The following PREX1 variants were observed in gnomAD, a reference collection of about 807,000 sequenced individuals.
PREX1 encodes the protein phosphatidylinositol-3,4,5-trisphosphate dependent Rac exchange factor 1, also known as phosphatidylinositol 3,4,5-trisphosphate-dependent Rac exchanger 1 protein.
PREX1 carries 41 observed loss-of-function variants against 198.3 expected under a neutral mutation model. The ratio of observed to expected loss-of-function variants is 0.21; its 90% confidence interval spans 0.16 to 0.27. The LOEUF is 0.27. PREX1 is among the 10% of genes least tolerant of loss of function. The pLI, the probability that PREX1 is intolerant of heterozygous loss-of-function variation, is 1.00. For missense variants in PREX1, 1,620 were observed against 2,200.7 expected, an observed-to-expected ratio of 0.74 and a Z score of 5.28; for synonymous variants, 843 against 887.2, an observed-to-expected ratio of 0.95 and a Z score of 0.89.
rs143830265 is a variant in PREX1 at position 48,639,834 on chromosome 20, T to C, written c.3836A>G (p.Gln1279Arg). 3.6e-3 allele frequency: 5,749 copies of C among 1,614,124 alleles called. 19 individuals are homozygous for C. Among genetic ancestry groups the C allele is most frequent in the Non-Finnish European group, 4.3e-3 (5,069 of 1,179,958 alleles). The change falls in exon 30 of 40, where the codon CAG (glutamine) becomes CGG (arginine). Residue 1279 changes from glutamine (Q) to arginine (R), a missense_variant. Gln to Arg is a conservative substitution (Grantham distance 43). This residue lies in a region of PREX1 where 476 missense variants were observed against 603.4 expected (regional missense o/e 0.79). Transcript: ENST00000371941. ...RGRSLIQISI[Q>R]EDPWNLPNSI... Reference sequence around the variant, plus strand: ...GTTGGGGAGGTTCCAGGGGTCCTCCTGGATGCTAATCTGGATCAGGCTCCG... The same window carrying C: ...GTTGGGGAGGTTCCAGGGGTCCTCCCGGATGCTAATCTGGATCAGGCTCCG...
intron 33 of PREX1, 29 bp from the exon 34 acceptor site, chr20:48,632,668 C>T: frequency 6.2e-7 from 1 of 1,611,924 alleles, no homozygotes; most frequent in Non-Finnish European, 8.5e-7. Context: ...CAGGATGACT[C>T]ACCACCGAGG....
intron 29 of PREX1, among the ~76,000 whole-genome samples, chr20:48,640,304 G>A (rs1601034820): frequency 6.6e-6 from 1 of 152,170 alleles, no homozygotes; most frequent in East Asian, 1.9e-4. Flanking sequence ...CTACACAGAG[G>A]AGGAAGCCCA....
At chr20:48,776,069 C>T (rs1402783680) in intron 1 of PREX1, among the ~76,000 whole-genome samples, 1 of 152,058 alleles carries the variant, frequency 6.6e-6, no homozygotes, top group Non-Finnish European at 1.5e-5. Context: ...CACATCCTCA[C>T]CAATGGAGGT....
chr20:48,853,087 A>G, the PREX1 span, among the ~76,000 whole-genome samples: 310 of 152,316 alleles, frequency 2.0e-3, 1 homozygote, highest in Middle Eastern at 0.01. Context: ...GGAGGGTGAC[A>G]TTTTACTGTA....
In PREX1 at chr20:48,637,784, G is replaced by A. The variant is rs1055293929; in HGVS notation, c.3905-32C>T. The A allele has an allele frequency of 2.9e-5, 46 of 1,589,300 alleles. No individual in the cohort carries two copies. The Admixed American group carries it at 3.2e-4, about 11-fold the overall frequency. On this transcript the variant is annotated intron_variant, in intron 30 of 39. Coordinates refer to ENST00000371941, the MANE Select transcript of PREX1 (RefSeq NM_020820.4). ...GGAGAAGGGAGACAGAAAGGGGGAC[G>A]GGCTGGGAGGGGGCAGCAAGAGGTG...
At chr20:48,848,342 C>A in the PREX1 span, among the ~76,000 whole-genome samples, 1 of 151,674 alleles carries the variant, frequency 6.6e-6, no homozygotes, top group Non-Finnish European at 1.5e-5. Flanking sequence ...GCACCCTCAA[C>A]CTTTCAGGCT....
chr20:48,801,299 C>T (rs2090385655), intron 1 of PREX1, among the ~76,000 whole-genome samples: 1 of 152,198 alleles, frequency 6.6e-6, no homozygotes, highest in Non-Finnish European at 1.5e-5. Flanking sequence ...CCTCATGCAT[C>T]GGTGACACTG....
chr20:48,762,882 T>C (rs1329610713), intron 1 of PREX1, among the ~76,000 whole-genome samples: 1 of 152,172 alleles, frequency 6.6e-6, no homozygotes, highest in Admixed American at 6.5e-5. Flanking sequence ...TTTGTATTTT[T>C]AGTAGAGACA....
intron 35 of PREX1, among the ~76,000 whole-genome samples, chr20:48,631,171 C>T (rs1288925984): frequency 1.3e-5 from 2 of 152,212 alleles, no homozygotes; most frequent in South Asian, 2.1e-4. Context: ...CAGGGGTCAG[C>T]GAACTTCTTC....
chr20:48,883,862 C>A, the PREX1 span, among the ~76,000 whole-genome samples: 2 of 151,734 alleles, frequency 1.3e-5, no homozygotes, highest in Non-Finnish European at 2.9e-5. Context: ...CAGCTGGGGC[C>A]GGGCGCAGTG....
intron 1 of PREX1, among the ~76,000 whole-genome samples, chr20:48,796,672 T>C (rs976142482): frequency 1.3e-5 from 2 of 150,952 alleles, no homozygotes; most frequent in Non-Finnish European, 3.0e-5. Context: ...GTTATATGTG[T>C]CGTACATCAT....
intron 2 of PREX1, among the ~76,000 whole-genome samples, 156 bp from the exon 3 acceptor site, chr20:48,745,303 A>C (rs1191585905): frequency 1.3e-5 from 2 of 152,254 alleles, no homozygotes; most frequent in African/African-American, 4.8e-5. Flanking sequence ...AAATCTTTGT[A>C]ATAACAGAAA....
chr20:48,703,545 T>A (rs56118823), intron 6 of PREX1, among the ~76,000 whole-genome samples: 23,727 of 152,202 alleles, frequency 0.16, 2,185 homozygotes, highest in Middle Eastern at 0.28. Context: ...GGTTCAGCAG[T>A]CCCTGGAGCC....
At chr20:48,809,126 C>T (rs1218433797) in intron 1 of PREX1, among the ~76,000 whole-genome samples, 2 of 152,210 alleles carry the variant, frequency 1.3e-5, no homozygotes, top group African/African-American at 4.8e-5. Context: ...GTTCCTCACA[C>T]ATGTGGGCAC....
At chr20:48,887,275 T>C in the PREX1 span, among the ~76,000 whole-genome samples, 1 of 152,208 alleles carries the variant, frequency 6.6e-6, no homozygotes, top group African/African-American at 2.4e-5. Flanking sequence ...GAAAGCACTT[T>C]ATTTAAAATG....
intron 1 of PREX1, among the ~76,000 whole-genome samples, chr20:48,749,022 T>C (rs1008133338): frequency 6.6e-6 from 1 of 151,712 alleles, no homozygotes; most frequent in African/African-American, 2.4e-5. Context: ...CACCAGGTGG[T>C]GTGGGTAGAA....
chr20:48,823,667 T>C (rs1388463558), intron 1 of PREX1, among the ~76,000 whole-genome samples: 5 of 152,298 alleles, frequency 3.3e-5, no homozygotes, highest in South Asian at 4.1e-4. Flanking sequence ...GAGAAAAGAA[T>C]GGGAGTCACA....
intron 13 of PREX1, among the ~76,000 whole-genome samples, chr20:48,676,863 A>G (rs984293352): frequency 2.6e-5 from 4 of 152,238 alleles, no homozygotes; most frequent in African/African-American, 9.6e-5. Flanking sequence ...AAGCCCCTGC[A>G]AGGGGCTGGT....
chr20:48,882,536 TTCA>T, the PREX1 span, among the ~76,000 whole-genome samples: 2 of 143,950 alleles, frequency 1.4e-5, no homozygotes, highest in Non-Finnish European at 3.0e-5. Flanking sequence ...AGAGAGAATC[TTCA>T]TGTTTCTATG....
Sources: allele counts gnomAD v4.1 joint callset (sites outside exome capture counted in the v4.1 genomes callset), GRCh38; gene constraint gnomAD v4.1.1; regional missense constraint gnomAD v4.1.1; transcripts MANE v1.5; gene names NCBI Gene and HGNC (gene_info 2026-07-23, HGNC 2026-07-21).